Variants in TEX19 observed in about 807,000 individuals in gnomAD.
TEX19 encodes the protein testis-expressed protein 19.
For missense variants in TEX19, 184 were observed against 194.4 expected (o/e 0.95, Z 0.32); for synonymous variants, 77 against 73.9 (o/e 1.04, Z -0.21).
chr17:82,362,683 C>A lies in TEX19; in HGVS notation c.*38C>A. On this transcript the variant is annotated 3_prime_UTR_variant, in exon 2 of 2. Coordinates refer to ENST00000333437, the MANE Select transcript of TEX19 (RefSeq NM_207459.4). This position sits in a 1 kb window ranked among gnomAD's most constrained non-coding sequence, Gnocchi z 5.5. ...AAAGTGGACCTGCCCCCAGGGGAGC[C>A]CGTGGTGTTGAAGCTGGGCATTACC... 1 of 1,519,426 alleles carries A rather than the reference C, an allele frequency of 6.6e-7. No homozygotes were observed. Among genetic ancestry groups the A allele is most frequent in the Non-Finnish European group, 8.8e-7 (1 of 1,137,044 alleles). The allele number at this position is 1,519,426 out of a possible 1,614,324, so 94.1% of individuals were successfully genotyped here.
At position 82,362,865 on chromosome 17, in the gene TEX19, G is replaced by A; in HGVS notation, c.*220G>A. The A allele has an allele frequency of 1.8e-6, 1 of 548,950 alleles. No individual in the cohort carries two copies. The highest frequency in any genetic ancestry group is 3.1e-6 in the Non-Finnish European group (1 of 317,510). 34.0% of individuals were successfully genotyped at this position (548,950 alleles called of 1,614,324 possible). A position where few individuals can be genotyped will look rare whatever the true frequency, so the allele number is the denominator to read the frequency against. On this transcript the variant is annotated 3_prime_UTR_variant, in exon 2 of 2. Coordinates refer to ENST00000333437, the MANE Select transcript of TEX19 (RefSeq NM_207459.4). The surrounding 1 kb of genome is among the most constrained non-coding windows in gnomAD (Gnocchi z 5.5). ...CTGGAAATTGCTGCTGGAGCCTGGT[G>A]AAGTGTGGGTGGTGAGACTCCAAGA...
Position 82,362,277 on chromosome 17 carries a change from CTAGACTT to C in TEX19, c.130_136del (p.Asp44LysfsTer18). The C allele has an allele frequency of 6.2e-7, 1 of 1,614,068 alleles. No individual in the cohort carries two copies. The highest frequency in any genetic ancestry group is 8.5e-7 in the Non-Finnish European group (1 of 1,180,040). Reference sequence around the variant, plus strand: ...CTTCACCTGCTTCAAGGCTGCCTTTCTAGACTTTAAAGACTTGCTGGAGTCAGAGGAC... The same window carrying C: ...CTTCACCTGCTTCAAGGCTGCCTTTCTAAAGACTTGCTGGAGTCAGAGGAC... On this transcript the variant is annotated frameshift_variant, in exon 2 of 2. Coordinates refer to ENST00000333437, the MANE Select transcript of TEX19 (RefSeq NM_207459.4). LOFTEE classifies it low-confidence loss of function (END_TRUNC). The surrounding 1 kb of genome is among the most constrained non-coding windows in gnomAD (Gnocchi z 5.5).
At position 82,362,491 on chromosome 17, in the gene TEX19, G is replaced by A; in HGVS notation, c.341G>A (p.Gly114Asp). 1.9e-6 allele frequency: 3 copies of A among 1,612,852 alleles called. No individual in the cohort carries two copies. Among genetic ancestry groups the A allele is most frequent in the Non-Finnish European group, 2.5e-6 (3 of 1,179,964 alleles). Residue 114 changes from glycine (G) to aspartate (D), a missense_variant, in exon 2 of 2, where the codon GGT (glycine) becomes GAT (aspartate). By Grantham distance (94) the Gly-to-Asp change is moderately conservative (BLOSUM62 -1). Transcript: ENST00000333437. The surrounding 1 kb of genome is among the most constrained non-coding windows in gnomAD (Gnocchi z 5.5). ...AAAPEGLEDA[G>D]LDPHFVPTEL... ...GCCCCAGAAGGGTTGGAAGATGCAGGTCTGGACCCCCACTTTGTCCCCACT... is the reference window on the plus strand; with the variant it reads ...GCCCCAGAAGGGTTGGAAGATGCAGATCTGGACCCCCACTTTGTCCCCACT...
In TEX19 at chr17:82,362,945, G is replaced by A. The variant is rs146038475; in HGVS notation, c.*300G>A. The A allele has an allele frequency of 4.7e-5, 16 of 337,582 alleles. No individual in the cohort carries two copies. Among genetic ancestry groups the A allele is most frequent in the African/African-American group, 1.9e-4 (9 of 47,018 alleles). The allele number at this position is 337,582 out of a possible 1,614,324, so 20.9% of individuals were successfully genotyped here. ...GGATGCTGAGCATTCTAGAAACATC[G>A]TTAACAGGACACAGGGCAGAGCTGG... On this transcript the variant is annotated 3_prime_UTR_variant, in exon 2 of 2. Coordinates refer to ENST00000333437, the MANE Select transcript of TEX19 (RefSeq NM_207459.4). The surrounding 1 kb of genome is among the most constrained non-coding windows in gnomAD (Gnocchi z 5.5).
At chr17:82,361,059 GTTCCCCCAGTTTCCCTCAGT>G in intron 1 of TEX19, among the ~76,000 whole-genome samples, 1 of 137,146 alleles carries the variant, frequency 7.3e-6, no homozygotes, top group African/African-American at 2.8e-5. Flanking sequence ...TTTCCCTCAG[GTTCCCCCAGTTTCCCTCAGT>G]TTCCCTCAGG....
chr17:82,362,767 T>C lies in TEX19; in HGVS notation c.*122T>C, dbSNP rs2143083892. ...TTACTGGCCCTGCAGCTTGTCTCCATGGTGGGCTGCTATGATACCATCTAC... is the reference window on the plus strand; with the variant it reads ...TTACTGGCCCTGCAGCTTGTCTCCACGGTGGGCTGCTATGATACCATCTAC... On this transcript the variant is annotated 3_prime_UTR_variant, in exon 2 of 2. Transcript: ENST00000333437. The surrounding 1 kb of genome is among the most constrained non-coding windows in gnomAD (Gnocchi z 5.5). 3 of 1,258,226 alleles carry C rather than the reference T, an allele frequency of 2.4e-6. No homozygotes were observed. The highest frequency in any genetic ancestry group is 2.3e-4 in the Middle Eastern group (1 of 4,410). The allele number at this position is 1,258,226 out of a possible 1,614,324, so 77.9% of individuals were successfully genotyped here. A position where few individuals can be genotyped will look rare whatever the true frequency, so the allele number is the denominator to read the frequency against.
chr17:82,361,986 C>T lies in TEX19; in HGVS notation c.-165C>T. 1 of 980,024 alleles carries T rather than the reference C, an allele frequency of 1.0e-6. No homozygotes were observed. Among genetic ancestry groups the T allele is most frequent in the Non-Finnish European group, 1.5e-6 (1 of 679,246 alleles). 60.7% of individuals were successfully genotyped at this position (980,024 alleles called of 1,614,324 possible). ...GCTGGGACCCAGGTCATCCACCCCA[C>T]CCCAAATCCCTGGATAGGAAACCCC... On this transcript the variant is annotated 5_prime_UTR_variant, in exon 2 of 2. Transcript: ENST00000333437.
At chr17:82,361,584 C>T (rs1168934478) in intron 1 of TEX19, 1 of 982,078 alleles carries the variant, frequency 1.0e-6, no homozygotes, top group Non-Finnish European at 1.2e-6. Context: ...CTTCAGGTTC[C>T]CTCAATTTCC....
chr17:82,360,530 C>T (rs1334969390), intron 1 of TEX19, among the ~76,000 whole-genome samples: 32 of 64,632 alleles, frequency 5.0e-4, no homozygotes, highest in South Asian at 9.1e-4. Flanking sequence ...TCAGGTTCCC[C>T]CAGTTTCCCT....
At chr17:82,360,663 G>A (rs867702017) in intron 1 of TEX19, among the ~76,000 whole-genome samples, 329 of 56,456 alleles carry the variant, frequency 5.8e-3, no homozygotes, top group Admixed American at 8.8e-3. Context: ...AGGTTCCCTC[G>A]GGTTCCCTCA....
chr17:82,360,628 C>T (rs181355252), intron 1 of TEX19, among the ~76,000 whole-genome samples: 13,578 of 97,258 alleles, frequency 0.14, 1,871 homozygotes, highest in South Asian at 0.27. Context: ...CCCTCAGTTT[C>T]CCTCAGGTTC....
Position 82,362,643 on chromosome 17 carries a change from T to C in TEX19, c.493T>C (p.Ter165GlnextTer32). Residue 165 changes from the stop codon to glutamine (Q), a stop_lost, in exon 2 of 2, where the codon TAG (stop) becomes CAG (glutamine). Transcript: ENST00000333437. This position sits in a 1 kb window ranked among gnomAD's most constrained non-coding sequence, Gnocchi z 5.5. ...ACACTGGCCAAGCTTCTTTCCTTCATAGCAGGGGTTTCTCAAAGTGGACCT... is the reference window on the plus strand; with the variant it reads ...ACACTGGCCAAGCTTCTTTCCTTCACAGCAGGGGTTTCTCAAAGTGGACCT... Reference protein sequence around the residue: ...CSHWPSFFPS* With the variant: ...CSHWPSFFPSQ The C allele has an allele frequency of 1.3e-6, 2 of 1,533,628 alleles. No individual in the cohort carries two copies. The highest frequency in any genetic ancestry group is 1.7e-6 in the Non-Finnish European group (2 of 1,145,568).
In TEX19 at chr17:82,363,334, C is replaced by A. The variant is rs1299646485; in HGVS notation, c.*689C>A. ...TTGGCAAAGGAAACATGGGGAGCAACTTTAGGGGCTGGGAGATAGGGCCTG... is the reference window on the plus strand; with the variant it reads ...TTGGCAAAGGAAACATGGGGAGCAAATTTAGGGGCTGGGAGATAGGGCCTG... On this transcript the variant is annotated 3_prime_UTR_variant, in exon 2 of 2. Transcript: ENST00000333437. 6.0e-6 allele frequency: 1 copy of A among 167,044 alleles called. No individual in the cohort carries two copies. Among genetic ancestry groups the A allele is most frequent in the Non-Finnish European group, 1.5e-5 (1 of 68,132 alleles). 10.3% of individuals were successfully genotyped at this position (167,044 alleles called of 1,614,324 possible).
At chr17:82,359,658 CCAGTTTCCCTCAGGTTCCCT>C (rs1177742386) in intron 1 of TEX19, among the ~76,000 whole-genome samples, 22 of 133,536 alleles carry the variant, frequency 1.6e-4, no homozygotes, top group South Asian at 2.3e-4. Context: ...TCAGGTTCCC[CCAGTTTCCCTCAGGTTCCCT>C]CAGTTTCCCT....
chr17:82,361,835 C>A, intron 1 of TEX19, 45 bp from the exon 2 acceptor site: 1 of 1,054,056 alleles, frequency 9.5e-7, no homozygotes. Context: ...TTGCCCCCAC[C>A]CTGCCTGCTG....
chr17:82,362,808 C>A lies in TEX19; in HGVS notation c.*163C>A. The A allele has an allele frequency of 2.3e-6, 2 of 884,212 alleles. No individual in the cohort carries two copies. The highest frequency in any genetic ancestry group is 1.6e-6 in the Non-Finnish European group (1 of 609,790). 54.8% of individuals were successfully genotyped at this position (884,212 alleles called of 1,614,324 possible). ...TACCATCTACCTACAGAAGATGACC[C>A]CAGACAGGGCCCTGAGGACCCCAGG... On this transcript the variant is annotated 3_prime_UTR_variant, in exon 2 of 2. Transcript: ENST00000333437. The surrounding 1 kb of genome is among the most constrained non-coding windows in gnomAD (Gnocchi z 5.5).
At chr17:82,361,477 C>A (rs1375553698) in intron 1 of TEX19, among the ~76,000 whole-genome samples, 1 of 145,100 alleles carries the variant, frequency 6.9e-6, no homozygotes, top group Non-Finnish European at 1.5e-5. Flanking sequence ...CAGTTTCCCC[C>A]AGTTTCTCTC....
intron 1 of TEX19, among the ~76,000 whole-genome samples, chr17:82,359,943 C>T (rs1009011494): frequency 7.5e-6 from 1 of 132,668 alleles, no homozygotes; most frequent in Admixed American, 7.4e-5. Flanking sequence ...TCAAGTTTCC[C>T]TCAGGTTCCC....
intron 1 of TEX19, among the ~76,000 whole-genome samples, chr17:82,360,547 C>T (rs1396826605): frequency 2.0e-5 from 2 of 101,276 alleles, no homozygotes; most frequent in Admixed American, 9.9e-5. Context: ...CCCTCAGTTT[C>T]CCCCAGTTTC....
Sources: allele counts gnomAD v4.1 joint callset (sites outside exome capture counted in the v4.1 genomes callset), GRCh38; gene constraint gnomAD v4.1.1; non-coding constraint Gnocchi (gnomAD v3.1); transcripts MANE v1.5; gene names NCBI Gene and HGNC (gene_info 2026-07-23, HGNC 2026-07-21).